The following NTRK3 variants were observed in gnomAD, a reference collection of about 807,000 sequenced individuals.
NTRK3 encodes the protein NT-3 growth factor receptor.
In NTRK3, 24 loss-of-function variants were observed where a neutral mutation model predicts 91.7. The ratio of observed to expected loss-of-function variants is 0.26; its 90% confidence interval spans 0.19 to 0.37. NTRK3 has a LOEUF of 0.37. Ranked by LOEUF, NTRK3 falls within the 10% of genes least tolerant of loss-of-function variation. The pLI, the probability that NTRK3 is intolerant of heterozygous loss-of-function variation, is 1.00. For synonymous variants in NTRK3, 483 were observed against 404.0 expected (o/e 1.20, Z -2.34); for missense variants, 880 against 1,068.9 (o/e 0.82, Z 2.46).
exon 17 of NTRK3, chr15:87,929,259 C>G (rs1188558348): frequency 1.2e-6 from 2 of 1,614,140 alleles, no homozygotes; most frequent in Admixed American, 3.3e-5. Context: ...AGCAGATTCG[C>G]TCCAACCAGG....
At chr15:88,245,790 G>A (rs978429218) in intron 3 of NTRK3, among the ~76,000 whole-genome samples, 7 of 152,256 alleles carry the variant, frequency 4.6e-5, no homozygotes, top group Non-Finnish European at 1.0e-4. Context: ...GATCAACAAG[G>A]TCAAGTAGCC....
chr15:88,164,645 C>A lies in NTRK3; in HGVS notation c.396-17242G>T, dbSNP rs533467023. Reference sequence around the variant, plus strand: ...TTACCTTCCTTGACTGCCAGCAATACCCATGTCCTCTCTTCTGAGCTGCCC... The same window carrying A: ...TTACCTTCCTTGACTGCCAGCAATAACCATGTCCTCTCTTCTGAGCTGCCC... On this transcript the variant is annotated intron_variant, in intron 5 of 18. Coordinates refer to ENST00000394480, the Ensembl canonical transcript of NTRK3. 1.1e-4 allele frequency among the ~76,000 whole-genome samples: 17 copies of A among 152,238 alleles called. No homozygotes were observed. In the South Asian group the frequency reaches 3.5e-3, roughly 32 times the overall value.
At chr15:88,231,619 C>T (rs555705350) in intron 3 of NTRK3, among the ~76,000 whole-genome samples, 4 of 152,156 alleles carry the variant, frequency 2.6e-5, no homozygotes, top group Non-Finnish European at 4.4e-5. Flanking sequence ...TCACTCAATG[C>T]GAGCATCCAT....
At chr15:88,229,156 A>C (rs149014270) in intron 3 of NTRK3, among the ~76,000 whole-genome samples, 7 of 152,294 alleles carry the variant, frequency 4.6e-5, no homozygotes, top group African/African-American at 1.7e-4. Context: ...ATAAACCCCT[A>C]TATGTTTAAG....
rs1419931439 is a variant in NTRK3 at position 88,151,767 on chromosome 15, C to CCT, written c.396-4366_396-4365dup. Among the ~76,000 whole-genome samples, 3 of 152,130 alleles carry CCT rather than the reference C, an allele frequency of 2.0e-5. No homozygotes were observed. The East Asian group carries it at 5.8e-4, about 29-fold the overall frequency. Reference sequence around the variant, plus strand: ...AGAGTTGGGCTGACATTTGGAAGCACCTCCTCTTCTACTGGTAGAGGCAGG... The same window carrying CCT: ...AGAGTTGGGCTGACATTTGGAAGCACCTCTCCTCTTCTACTGGTAGAGGCAGG... On this transcript the variant is annotated intron_variant, in intron 5 of 18. Transcript: ENST00000394480.
chr15:87,872,067 A>ATT, exon 19 of NTRK3: 1 of 219,608 alleles, frequency 4.6e-6, no homozygotes, highest in Non-Finnish European at 9.1e-6. Flanking sequence ...TAAATGTGCC[A>ATT]TTTTTTTTTC....
chr15:88,046,782 C>G (rs1288230116), intron 13 of NTRK3, among the ~76,000 whole-genome samples: 1 of 152,232 alleles, frequency 6.6e-6, no homozygotes, highest in Admixed American at 6.5e-5. Flanking sequence ...TCACTCATCC[C>G]TTTCACAGAC....
chr15:88,217,182 A>T (rs991005809), intron 3 of NTRK3, among the ~76,000 whole-genome samples: 1 of 152,216 alleles, frequency 6.6e-6, no homozygotes, highest in Non-Finnish European at 1.5e-5. Flanking sequence ...ACAACCACTA[A>T]GGAAAACAGT....
chr15:87,989,579 C>G (rs2075124466), intron 14 of NTRK3, among the ~76,000 whole-genome samples: 2 of 151,690 alleles, frequency 1.3e-5, no homozygotes, highest in African/African-American at 4.9e-5. Flanking sequence ...TGCAGCACAC[C>G]AACATGGCAC....
Sources: allele counts gnomAD v4.1 joint callset (sites outside exome capture counted in the v4.1 genomes callset), GRCh38; gene constraint gnomAD v4.1.1; transcripts MANE v1.5; gene names NCBI Gene and HGNC (gene_info 2026-07-23, HGNC 2026-07-21).